The following LRRC7 variants were observed in gnomAD, a reference collection of about 807,000 sequenced individuals.
LRRC7 encodes the protein leucine-rich repeat-containing protein 7.
A neutral mutation model predicts 175.7 loss-of-function variants in LRRC7; 23 were observed. That is an observed-to-expected ratio of 0.13 (90% CI 0.09 to 0.19). The LOEUF (loss-of-function observed/expected upper bound fraction) is 0.19, where lower values mean the gene tolerates loss of function less well. LRRC7 is among the 10% of genes least tolerant of loss of function. LRRC7 has a pLI of 1.00. For synonymous variants in LRRC7, 685 were observed against 680.9 expected (o/e 1.01, Z -0.09); for missense variants, 1,354 against 1,904.7 (o/e 0.71, Z 5.38).
intron 2 of LRRC7, among the ~76,000 whole-genome samples, chr1:69,739,458 C>A (rs961890341): frequency 7.2e-5 from 11 of 152,086 alleles, no homozygotes; most frequent in Non-Finnish European, 1.6e-4. Flanking sequence ...GGCCATCTTT[C>A]TACTACTGCC....
chr1:69,861,217 A>G (rs895974145), intron 7 of LRRC7, among the ~76,000 whole-genome samples: 2 of 152,142 alleles, frequency 1.3e-5, no homozygotes, highest in Admixed American at 6.6e-5. Flanking sequence ...AATTACTTCA[A>G]TTGCTATTGG....
In LRRC7 at chr1:70,142,811, C is replaced by T. The variant is rs1432848575; in HGVS notation, c.*20924C>T. ...ATTCAAAAAAGAAATATTAAACTAACATAAGCAATTCTGAAGGAAGACAGT... is the reference window on the plus strand; with the variant it reads ...ATTCAAAAAAGAAATATTAAACTAATATAAGCAATTCTGAAGGAAGACAGT... On this transcript the variant is annotated 3_prime_UTR_variant, in exon 27 of 27. Coordinates refer to ENST00000651989, the MANE Select transcript of LRRC7 (RefSeq NM_001370785.2). 1 of 151,992 alleles carries T rather than the reference C, an allele frequency of 6.6e-6. No homozygotes were observed. The highest frequency in any genetic ancestry group is 2.4e-5 in the African/African-American group (1 of 41,408). The allele number at this position is 151,992 out of a possible 1,614,324, so 9.4% of individuals were successfully genotyped here.
intron 10 of LRRC7, among the ~76,000 whole-genome samples, chr1:69,990,550 T>C (rs1408042635): frequency 6.6e-6 from 1 of 152,100 alleles, no homozygotes; most frequent in African/African-American, 2.4e-5. Flanking sequence ...GATTAAGGAA[T>C]GTGAAGGACC....
chr1:69,846,510 C>T (rs1004950531), intron 7 of LRRC7, among the ~76,000 whole-genome samples: 1 of 151,982 alleles, frequency 6.6e-6, no homozygotes, highest in African/African-American at 2.4e-5. Flanking sequence ...TATAAGATCT[C>T]GGAGGCTTAG....
intron 2 of LRRC7, among the ~76,000 whole-genome samples, chr1:69,753,033 A>T (rs569617904): frequency 2.3e-4 from 35 of 152,204 alleles, no homozygotes; most frequent in African/African-American, 8.4e-4. Context: ...GTGTTCTCTA[A>T]TGTATACTGG....
At chr1:69,823,588 A>G (rs987779908) in intron 4 of LRRC7, among the ~76,000 whole-genome samples, 1 of 152,102 alleles carries the variant, frequency 6.6e-6, no homozygotes, top group African/African-American at 2.4e-5. Flanking sequence ...TAATGTATAT[A>G]TTCACAGTAT....
chr1:69,714,843 G>T (rs12082802), intron 2 of LRRC7, among the ~76,000 whole-genome samples: 2 of 151,966 alleles, frequency 1.3e-5, no homozygotes, highest in African/African-American at 4.8e-5. Flanking sequence ...CGTTAAAACC[G>T]TAATTTCTAT....
At chr1:69,908,850 G>T (rs1312623677) in intron 7 of LRRC7, among the ~76,000 whole-genome samples, 6 of 149,638 alleles carry the variant, frequency 4.0e-5, no homozygotes, top group Admixed American at 2.0e-4. Context: ...TCGTTGTCGG[G>T]TCTAATGTTG....
Position 70,023,202 on chromosome 1 carries a change from G to C in LRRC7, c.1622G>C (p.Cys541Ser), listed in dbSNP as rs778320194. 4 of 1,601,558 alleles carry C rather than the reference G, an allele frequency of 2.5e-6. No homozygotes were observed. The highest frequency in any genetic ancestry group is 1.1e-5 in the South Asian group (1 of 88,916). Residue 541 changes from cysteine to serine, a missense_variant, in exon 17 of 27, where the codon TGC becomes TCC. Transcript: ENST00000651989. The stretch of plus-strand genomic sequence containing the variant: ...CAACCTGCCAGACTGTCTGGCGATT[G>C]CTGCACACCATGGGCCAGGTGTGAT... Reference protein sequence around the residue: ...TLQPARLSGDCCTPWARCDQQ... With the variant: ...TLQPARLSGDSCTPWARCDQQ...
At chr1:69,860,847 A>G (rs1338466355) in intron 7 of LRRC7, among the ~76,000 whole-genome samples, 1 of 152,124 alleles carries the variant, frequency 6.6e-6, no homozygotes, top group African/African-American at 2.4e-5. Flanking sequence ...TTAATATGAT[A>G]AAAGTGTTAT....
At chr1:69,925,750 G>C (rs951359489) in intron 7 of LRRC7, among the ~76,000 whole-genome samples, 12 of 151,980 alleles carry the variant, frequency 7.9e-5, no homozygotes, top group Middle Eastern at 3.4e-3. Flanking sequence ...CAAAAAACCA[G>C]CTCCTGGATT....
Position 69,577,245 on chromosome 1 carries a change from T to C in LRRC7, c.2+8604T>C, listed in dbSNP as rs566537116. On this transcript the variant is annotated intron_variant, in intron 1 of 26. Coordinates refer to ENST00000651989, the MANE Select transcript of LRRC7 (RefSeq NM_001370785.2). ...CATAGGTAAACTTACCCATAATTTA[T>C]ATAAAGGAATATGTTGTTAATCTCC... Among the ~76,000 whole-genome samples the C allele has an allele frequency of 1.7e-4, 26 of 152,316 alleles. No homozygotes were observed. The South Asian group carries it at 5.4e-3, about 32-fold the overall frequency.
intron 26 of LRRC7, among the ~76,000 whole-genome samples, chr1:70,113,737 A>G (rs1006816085): frequency 3.3e-5 from 5 of 152,146 alleles, no homozygotes; most frequent in Non-Finnish European, 5.9e-5. Flanking sequence ...CAAAAAAAAA[A>G]AAGAGTTCAT....
At chr1:69,976,609 T>C (rs1652845213) in intron 8 of LRRC7, among the ~76,000 whole-genome samples, 1 of 152,196 alleles carries the variant, frequency 6.6e-6, no homozygotes, top group Non-Finnish European at 1.5e-5. Flanking sequence ...TAAAATGGAG[T>C]GGGTATCCTC....
intron 2 of LRRC7, among the ~76,000 whole-genome samples, chr1:69,750,239 A>G (rs1031002309): frequency 6.6e-6 from 1 of 151,982 alleles, no homozygotes; most frequent in African/African-American, 2.4e-5. Context: ...AGAGCAAAGG[A>G]GCAAGTTCTA....
intron 2 of LRRC7, among the ~76,000 whole-genome samples, chr1:69,694,882 A>G (rs1022213426): frequency 2.0e-5 from 3 of 152,200 alleles, no homozygotes; most frequent in Non-Finnish European, 4.4e-5. Flanking sequence ...CAGAACCATG[A>G]GCCAAAATAA....
intron 3 of LRRC7, among the ~76,000 whole-genome samples, chr1:69,788,810 A>AC (rs1331748959): frequency 6.6e-5 from 10 of 152,144 alleles, no homozygotes; most frequent in Admixed American, 6.5e-4. Flanking sequence ...ACTGATATTT[A>AC]CCCCAACATA....
rs143540717 is a variant in LRRC7 at position 69,688,861 on chromosome 1, T to C, written c.100+10383T>C. 7.1e-3 allele frequency among the ~76,000 whole-genome samples: 1,076 copies of C among 152,302 alleles called. 6 individuals carry two copies. Among genetic ancestry groups the C allele is most frequent in the African/African-American group, 0.025 (1,020 of 41,572 alleles). On this transcript the variant is annotated intron_variant, in intron 2 of 26. Transcript: ENST00000651989. ...TTTGTATTTGCTATTTGGCTTAGCA[T>C]AAGTAATGGAGCAGGTAAGATTACT...
chr1:70,126,266 C>T lies in LRRC7; in HGVS notation c.*4379C>T, dbSNP rs536045162. Reference sequence around the variant, plus strand: ...ACTAATTTGTGATATGCCGACCAAACAGCAAGTTTATTGGCACACTGGGTC... The same window carrying T: ...ACTAATTTGTGATATGCCGACCAAATAGCAAGTTTATTGGCACACTGGGTC... On this transcript the variant is annotated 3_prime_UTR_variant, in exon 27 of 27. Transcript: ENST00000651989. Among the ~76,000 whole-genome samples, 3 of 152,020 alleles carry T rather than the reference C, an allele frequency of 2.0e-5. No homozygotes were observed. The highest frequency in any genetic ancestry group is 7.2e-5 in the African/African-American group (3 of 41,458).
Sources: allele counts gnomAD v4.1 joint callset (sites outside exome capture counted in the v4.1 genomes callset), GRCh38; gene constraint gnomAD v4.1.1; transcripts MANE v1.5; gene names NCBI Gene and HGNC (gene_info 2026-07-23, HGNC 2026-07-21).